Variants in ANOS1 observed in about 807,000 individuals in gnomAD.
The protein encoded by ANOS1 is anosmin-1.
Under a neutral mutation model 59.0 loss-of-function variants are expected in ANOS1, and 6 were observed. The ratio of observed to expected loss-of-function variants is 0.10; its 90% CI spans 0.06 to 0.20. The LOEUF is 0.20. Ranked by LOEUF, ANOS1 falls within the 10% of genes least tolerant of loss-of-function variation. The probability of loss-of-function intolerance (pLI) is 1.00; values close to 1 mark genes in which losing one functional copy is unlikely to be tolerated. For synonymous variants in ANOS1, 217 were observed against 223.4 expected (o/e 0.97, Z 0.25); for missense variants, 433 against 542.3 (o/e 0.80, Z 2.00).
intron 1 of ANOS1, among the ~76,000 whole-genome samples, chrX:8,711,317 G>A (rs1464699947): frequency 8.9e-6 from 1 of 112,362 alleles, no homozygotes; most frequent in Non-Finnish European, 1.9e-5. Flanking sequence ...GTCTCCCTTT[G>A]TAGATGAGTC....
chrX:8,582,860 C>T (rs1013992290), intron 6 of ANOS1, among the ~76,000 whole-genome samples: 2 of 111,516 alleles, frequency 1.8e-5, no homozygotes, highest in Admixed American at 9.5e-5. Context: ...CAGAACTGAG[C>T]GGATTAGGGG....
At chrX:8,633,120 A>G (rs1404090215) in intron 2 of ANOS1, among the ~76,000 whole-genome samples, 1 of 111,620 alleles carries the variant, frequency 9.0e-6, no homozygotes, top group Non-Finnish European at 1.9e-5. Context: ...GTGCAGTTGA[A>G]CAATCATTGC....
At chrX:8,573,286 C>A (rs1930265022) in intron 6 of ANOS1, among the ~76,000 whole-genome samples, 1 of 110,931 alleles carries the variant, frequency 9.0e-6, no homozygotes, top group South Asian at 3.9e-4. Context: ...TGGTCTTGAA[C>A]TCCTGACATC....
At chrX:8,706,288 T>C (rs1046785656) in intron 1 of ANOS1, among the ~76,000 whole-genome samples, 3 of 112,097 alleles carry the variant, frequency 2.7e-5, no homozygotes, top group Admixed American at 1.9e-4. Flanking sequence ...CCAAAATACA[T>C]ACCAAACTAG....
At chrX:8,615,057 T>C (rs1931142965) in intron 3 of ANOS1, among the ~76,000 whole-genome samples, 1 of 110,386 alleles carries the variant, frequency 9.1e-6, no homozygotes, top group Non-Finnish European at 1.9e-5. Flanking sequence ...TCAAAACATT[T>C]CCACTTTACT....
intron 2 of ANOS1, among the ~76,000 whole-genome samples, chrX:8,689,786 AAG>A (rs1156244850): frequency 2.5e-3 from 269 of 109,564 alleles, no homozygotes; most frequent in Middle Eastern, 9.3e-3. Context: ...AAAAAAAAAA[AAG>A]AGAGAGAGAG....
At chrX:8,640,607 A>AG (rs1436681984) in intron 2 of ANOS1, among the ~76,000 whole-genome samples, 2 of 109,059 alleles carry the variant, frequency 1.8e-5, no homozygotes, top group Non-Finnish European at 3.8e-5. Context: ...AAAAAAAAAA[A>AG]CTGTTGGAAA....
At chrX:8,597,845 T>G (rs1285408727) in intron 3 of ANOS1, among the ~76,000 whole-genome samples, 1 of 108,685 alleles carries the variant, frequency 9.2e-6, no homozygotes, top group Non-Finnish European at 1.9e-5. Context: ...CTAATTTTTA[T>G]TTTTTGTAGA....
chrX:8,579,702 G>C (rs1031470822), intron 6 of ANOS1, among the ~76,000 whole-genome samples: 12 of 110,750 alleles, frequency 1.1e-4, no homozygotes, highest in African/African-American at 3.9e-4. Flanking sequence ...CTGTGTCTGG[G>C]CTCAGAGCAA....
At chrX:8,676,902 C>T (rs1431545324) in intron 2 of ANOS1, among the ~76,000 whole-genome samples, 2 of 111,670 alleles carry the variant, frequency 1.8e-5, no homozygotes, top group African/African-American at 6.5e-5. Flanking sequence ...CTGTCTATGG[C>T]AAAGAAATCT....
chrX:8,587,139 G>C (rs922201272), intron 5 of ANOS1, among the ~76,000 whole-genome samples: 11 of 109,689 alleles, frequency 1.0e-4, no homozygotes, highest in African/African-American at 3.3e-4. Flanking sequence ...TGTGTGGGGG[G>C]GTGGTTAGCA....
intron 2 of ANOS1, among the ~76,000 whole-genome samples, chrX:8,628,491 T>C (rs902633976): frequency 8.9e-6 from 1 of 111,863 alleles, no homozygotes; most frequent in African/African-American, 3.3e-5. Context: ...AGAACCCATG[T>C]GGCCTCCCAG....
At chrX:8,676,011 A>C (rs1932332727) in intron 2 of ANOS1, among the ~76,000 whole-genome samples, 1 of 110,437 alleles carries the variant, frequency 9.1e-6, no homozygotes, top group South Asian at 3.9e-4. Flanking sequence ...TTCCAGCTCC[A>C]TTCATGTCCC....
At chrX:8,570,810 G>A in intron 6 of ANOS1, 106 bp from the exon 7 acceptor site, 4 of 768,960 alleles carry the variant, frequency 5.2e-6, no homozygotes, top group Non-Finnish European at 5.9e-6. Flanking sequence ...TTTATAGATA[G>A]AAAAGCTGAA....
chrX:8,560,134 C>T (rs1930010283), intron 8 of ANOS1, among the ~76,000 whole-genome samples: 1 of 111,448 alleles, frequency 9.0e-6, no homozygotes, highest in Non-Finnish European at 1.9e-5. Flanking sequence ...GGCAATAAAC[C>T]TAATATTTGT....
At chrX:8,534,247 T>G in intron 13 of ANOS1, 72 bp downstream of exon 13, 1 of 1,088,780 alleles carries the variant, frequency 9.2e-7, no homozygotes, top group Non-Finnish European at 1.3e-6. Context: ...TTTGTTTTCA[T>G]TTTCCAGCAA....
In ANOS1 at chrX:8,619,808, T is replaced by A. The variant is rs138256802; in HGVS notation, c.318+3800A>T. Reference sequence around the variant, plus strand: ...TCTCCTCCATGTAGGAAAACTTATTTGTGATTAAAATTACCAAGAACAATG... The same window carrying A: ...TCTCCTCCATGTAGGAAAACTTATTAGTGATTAAAATTACCAAGAACAATG... On this transcript the variant is annotated intron_variant, in intron 3 of 13. Coordinates refer to ENST00000262648, the MANE Select transcript of ANOS1 (RefSeq NM_000216.4). 8.9e-3 allele frequency among the ~76,000 whole-genome samples: 996 copies of A among 112,291 alleles called. 16 individuals carry two copies. The highest frequency in any genetic ancestry group is 0.03 in the African/African-American group (937 of 30,924).
chrX:8,681,342 T>C (rs1345719800), intron 2 of ANOS1, among the ~76,000 whole-genome samples: 2 of 112,229 alleles, frequency 1.8e-5, no homozygotes, highest in African/African-American at 3.2e-5. Flanking sequence ...GCTATACTAG[T>C]GTATTTACCT....
chrX:8,574,799 T>C lies in ANOS1; in HGVS notation c.857-4095A>G, dbSNP rs755858049. 4.5e-5 allele frequency among the ~76,000 whole-genome samples: 5 copies of C among 111,524 alleles called. No homozygotes were observed. In the South Asian group the frequency reaches 1.1e-3, roughly 26 times the overall value. The stretch of plus-strand genomic sequence containing the variant: ...CCTATTGTGGGAACTCATCTTGGGA[T>C]TGTGTGAGTCAATACTCCTTAGTAA... On this transcript the variant is annotated intron_variant, in intron 6 of 13. Transcript: ENST00000262648.
Sources: gnomAD v4.1 joint callset for allele counts (sites outside exome capture counted in the v4.1 genomes callset) on GRCh38, gnomAD v4.1.1 for gene constraint, MANE v1.5 for transcripts, NCBI Gene and HGNC (gene_info 2026-07-23, HGNC 2026-07-21) for gene names.